The following PRKAR1B variants were observed in gnomAD, a reference collection of about 807,000 sequenced individuals.
PRKAR1B encodes cAMP-dependent protein kinase type I-beta regulatory subunit.
Under a neutral mutation model 46.5 loss-of-function variants are expected in PRKAR1B, and 22 were observed. The observed-to-expected ratio is 0.47, with a 90% CI of 0.34 to 0.68. The LOEUF (loss-of-function observed/expected upper bound fraction) is 0.68, where lower values mean the gene tolerates loss of function less well. Among genes scored for constraint, PRKAR1B ranks in the 30% least tolerant of loss-of-function variants. The probability of loss-of-function intolerance (pLI) is 0.01; values close to 1 mark genes in which losing one functional copy is unlikely to be tolerated. For synonymous variants in PRKAR1B, 259 were observed against 217.7 expected (o/e 1.19, Z -1.67); for missense variants, 445 against 535.6 (o/e 0.83, Z 1.67).
Position 653,057 on chromosome 7 carries a change from T to C in PRKAR1B, c.440+24172A>G, listed in dbSNP as rs143827046. 2.0e-3 allele frequency among the ~76,000 whole-genome samples: 312 copies of C among 152,276 alleles called. 1 individual carries two copies. Among genetic ancestry groups the C allele is most frequent in the African/African-American group, 7.1e-3 (297 of 41,552 alleles). ...CTGCTTGGGCTTCCCCACTGCATGG[T>C]GGCTGGGCGCCAAGAAGGACCCGCT... is the stretch of plus-strand genomic sequence containing the variant. On this transcript the variant is annotated intron_variant, in intron 4 of 10. Transcript: ENST00000537384.
chr7:584,575 G>A lies in PRKAR1B; in HGVS notation c.709-7C>T, dbSNP rs766716051. Reference sequence around the variant, plus strand: ...GTTTCCTCAGCGTGCTGCCCTGTTCGGGAGAAAGTAAAAAACAGACAAGAA... The same window carrying A: ...GTTTCCTCAGCGTGCTGCCCTGTTCAGGAGAAAGTAAAAAACAGACAAGAA... On this transcript the variant is annotated splice_polypyrimidine_tract_variant and splice_region_variant and intron_variant, in intron 7 of 10. Coordinates refer to ENST00000537384, the MANE Select transcript of PRKAR1B (RefSeq NM_001164760.2). The A allele has an allele frequency of 6.8e-6, 11 of 1,612,320 alleles. No individual in the cohort carries two copies. The highest frequency in any genetic ancestry group is 4.0e-5 in the African/African-American group (3 of 74,740).
At chr7:635,509 G>A (rs1224120811) in intron 4 of PRKAR1B, among the ~76,000 whole-genome samples, 1 of 152,170 alleles carries the variant, frequency 6.6e-6, no homozygotes. Context: ...TCCTCTCCTG[G>A]CAGACGCACA....
At chr7:574,152 C>T (rs1779692001) in intron 9 of PRKAR1B, among the ~76,000 whole-genome samples, 1 of 152,242 alleles carries the variant, frequency 6.6e-6, no homozygotes, top group Non-Finnish European at 1.5e-5. Flanking sequence ...TTGGGCTCAG[C>T]TGGGAGGGGC....
intron 4 of PRKAR1B, among the ~76,000 whole-genome samples, chr7:635,206 C>A (rs1415187373): frequency 2.0e-5 from 3 of 152,230 alleles, no homozygotes; most frequent in Non-Finnish European, 4.4e-5. Context: ...AGATCTGACA[C>A]CCTGGGACCC....
In PRKAR1B at chr7:606,258, G is replaced by A. The variant is rs775731724; in HGVS notation, c.503-19C>T. ...TCATTCCCTGTAACAAAAGAAGAAA[G>A]TCAACAGATACAAAGTACATCCAGA... On this transcript the variant is annotated intron_variant, in intron 5 of 10. Coordinates refer to ENST00000537384, the MANE Select transcript of PRKAR1B (RefSeq NM_001164760.2). The A allele has an allele frequency of 1.2e-6, 2 of 1,611,456 alleles. No individual in the cohort carries two copies. Among genetic ancestry groups the A allele is most frequent in the Non-Finnish European group, 1.7e-6 (2 of 1,178,060 alleles).
chr7:573,393 T>C (rs1484035417), intron 9 of PRKAR1B, among the ~76,000 whole-genome samples: 1 of 151,202 alleles, frequency 6.6e-6, no homozygotes, highest in Non-Finnish European at 1.5e-5. Flanking sequence ...CGCTCTGCTC[T>C]CCCCACAGAC....
Position 583,410 on chromosome 7 carries a change from ACACCCACG to A in PRKAR1B, c.769+1090_769+1097del, listed in dbSNP as rs1386806084. On this transcript the variant is annotated intron_variant, in intron 8 of 10. Transcript: ENST00000537384. ...ACACTCACACCCCCCACACGTGTGC[ACACCCACG>A]CACACACGCACACACCCACAGTGCA... Among the ~76,000 whole-genome samples, 47 of 61,942 alleles carry A rather than the reference ACACCCACG, an allele frequency of 7.6e-4. 1 individual carries two copies. The highest frequency in any genetic ancestry group is 3.2e-3 in the African/African-American group (44 of 13,590). The allele number at this position is 61,942 out of a possible 152,430, so 40.6% of individuals were successfully genotyped here.
At position 727,086 on chromosome 7, in the gene PRKAR1B, C is replaced by T; in HGVS notation, c.-23+124G>A. Reference sequence around the variant, plus strand: ...TGCCGCGCCTGCTGCCCGCGCTCGCCGCGCGCTTGGCCGGCCCCGTGCCCG... The same window carrying T: ...TGCCGCGCCTGCTGCCCGCGCTCGCTGCGCGCTTGGCCGGCCCCGTGCCCG... On this transcript the variant is annotated intron_variant, in intron 1 of 10. Coordinates refer to ENST00000537384, the MANE Select transcript of PRKAR1B (RefSeq NM_001164760.2). The T allele has an allele frequency of 2.9e-6, 3 of 1,049,108 alleles. No individual in the cohort carries two copies. The highest frequency in any genetic ancestry group is 3.4e-6 in the Non-Finnish European group (3 of 874,068). 65.0% of individuals were successfully genotyped at this position (1,049,108 alleles called of 1,614,324 possible).
Position 598,467 on chromosome 7 carries a change from C to A in PRKAR1B, c.550-2163G>T, listed in dbSNP as rs1366143849. ...CCTCCACACTAAATACCATCACCCT[C>A]CCTCCAGCACCCTCCACACTAAACA... On this transcript the variant is annotated intron_variant, in intron 6 of 10. Transcript: ENST00000537384. Among the ~76,000 whole-genome samples the A allele has an allele frequency of 3.1e-4, 28 of 89,820 alleles. 1 individual carries two copies. The highest frequency in any genetic ancestry group is 6.2e-4 in the Non-Finnish European group (25 of 40,024). 58.9% of individuals were successfully genotyped at this position (89,820 alleles called of 152,430 possible). A position where few individuals can be genotyped will look rare whatever the true frequency, so the allele number is the denominator to read the frequency against.
At chr7:588,762 GTGGTGA>G (rs1780787325) in intron 7 of PRKAR1B, among the ~76,000 whole-genome samples, 1 of 72,484 alleles carries the variant, frequency 1.4e-5, no homozygotes, top group South Asian at 6.5e-4. Flanking sequence ...GATGGTGATG[GTGGTGA>G]TGGTGATGGT....
At chr7:583,812 GCACACACA>G (rs566553143) in intron 8 of PRKAR1B, among the ~76,000 whole-genome samples, 2 of 146,574 alleles carry the variant, frequency 1.4e-5, no homozygotes, top group Non-Finnish European at 3.0e-5. Context: ...GCACACTCAT[GCACACACA>G]CGCACACACA....
At position 560,656 on chromosome 7, in the gene PRKAR1B, C is replaced by A. The variant is rs1255821784; in HGVS notation, c.892-9186G>T. Among the ~76,000 whole-genome samples the A allele has an allele frequency of 6.6e-6, 1 of 152,162 alleles. No homozygotes were observed. The highest frequency in any genetic ancestry group is 2.4e-5 in the African/African-American group (1 of 41,420). ...GGTCCAGCCTCAGCTCTGCAATGCACCAGCCAGTCTCAGGCAAGGCCCATA... is the reference window on the plus strand; with the variant it reads ...GGTCCAGCCTCAGCTCTGCAATGCAACAGCCAGTCTCAGGCAAGGCCCATA... On this transcript the variant is annotated intron_variant, in intron 9 of 10. Coordinates refer to ENST00000537384, the MANE Select transcript of PRKAR1B (RefSeq NM_001164760.2). The surrounding 1 kb of genome is among the most constrained non-coding windows in gnomAD (Gnocchi z 4.2).
At chr7:631,313 G>GAAGT (rs1163868315) in intron 4 of PRKAR1B, among the ~76,000 whole-genome samples, 2 of 152,230 alleles carry the variant, frequency 1.3e-5, no homozygotes, top group African/African-American at 4.8e-5. Flanking sequence ...CAGTGGCCAG[G>GAAGT]TGTGGACAGC....
rs1177266377 is a variant in PRKAR1B at position 582,632 on chromosome 7, C to A, written c.769+1876G>T. Among the ~76,000 whole-genome samples the A allele has an allele frequency of 3.9e-5, 6 of 152,376 alleles. No individual in the cohort carries two copies. In the East Asian group the frequency reaches 5.8e-4, roughly 15 times the overall value. On this transcript the variant is annotated intron_variant, in intron 8 of 10. Transcript: ENST00000537384. The stretch of plus-strand genomic sequence containing the variant: ...CCGGGACGCAGGAAGCAAGAAGCCA[C>A]CTCCAGCCGGGGGGTCACCAGCCCT...
At chr7:697,844 T>C (rs973431482) in intron 2 of PRKAR1B, among the ~76,000 whole-genome samples, 1 of 133,728 alleles carries the variant, frequency 7.5e-6, no homozygotes, top group African/African-American at 2.9e-5. Flanking sequence ...AGGCCTCACA[T>C]AGAGAGTATA....
chr7:580,574 C>T (rs555844775), intron 8 of PRKAR1B, among the ~76,000 whole-genome samples: 1 of 152,074 alleles, frequency 6.6e-6, no homozygotes, highest in African/African-American at 2.4e-5. Context: ...ACTTCCCATG[C>T]CAAGTTTATC....
intron 2 of PRKAR1B, among the ~76,000 whole-genome samples, chr7:685,261 C>A (rs977836965): frequency 3.3e-5 from 2 of 61,418 alleles, no homozygotes; most frequent in African/African-American, 1.4e-4. Context: ...TTTATATATA[C>A]ATATATACGT....
intron 9 of PRKAR1B, among the ~76,000 whole-genome samples, chr7:562,828 C>T (rs954488277): frequency 2.6e-5 from 4 of 152,198 alleles, no homozygotes; most frequent in Non-Finnish European, 5.9e-5. Context: ...CTCCCTCCAC[C>T]ATGCTGACCC....
intron 4 of PRKAR1B, among the ~76,000 whole-genome samples, chr7:608,633 G>A (rs1327899609): frequency 5.6e-5 from 3 of 53,756 alleles, no homozygotes; most frequent in African/African-American, 1.6e-4. Context: ...AGGGCTGGGG[G>A]GCCTCCACTG....
Sources: allele counts gnomAD v4.1 joint callset (sites outside exome capture counted in the v4.1 genomes callset), GRCh38; gene constraint gnomAD v4.1.1; non-coding constraint Gnocchi (gnomAD v3.1); transcripts MANE v1.5; gene names NCBI Gene and HGNC (gene_info 2026-07-23, HGNC 2026-07-21).